The following DENND1A variants were observed in gnomAD, a reference collection of about 807,000 sequenced individuals.
DENND1A encodes DENN domain-containing protein 1A.
Under a neutral mutation model 113.7 loss-of-function variants are expected in DENND1A, and 51 were observed. The ratio of observed to expected loss-of-function variants is 0.45; its 90% CI spans 0.36 to 0.57. The LOEUF is 0.57. DENND1A is among the 20% of genes least tolerant of loss of function. DENND1A has a pLI of 0.00. For synonymous variants in DENND1A, 565 were observed against 570.8 expected (o/e 0.99, Z 0.14); for missense variants, 1,258 against 1,395.9 (o/e 0.90, Z 1.57).
At position 123,702,665 on chromosome 9, in the gene DENND1A, T is replaced by C. The variant is rs561744333; in HGVS notation, c.303-25876A>G. Among the ~76,000 whole-genome samples, 202 of 152,268 alleles carry C rather than the reference T, an allele frequency of 1.3e-3. 6 individuals carry two copies. The South Asian group carries it at 0.04, about 30-fold the overall frequency. On this transcript the variant is annotated intron_variant, in intron 5 of 23. Coordinates refer to ENST00000394215, the MANE Select transcript of DENND1A (RefSeq NM_001352964.2). ...AAAGACTGCGATGATATATTTATAG[T>C]GCTGAAGGAAAAATACTGTCAACCA...
intron 20 of DENND1A, among the ~76,000 whole-genome samples, chr9:123,410,430 G>A (rs968152914): frequency 1.3e-5 from 2 of 152,180 alleles, no homozygotes; most frequent in African/African-American, 2.4e-5. Flanking sequence ...CAGCTGTGTC[G>A]ATGGGGGGTT....
chr9:123,529,474 C>T (rs2055119892), intron 13 of DENND1A, among the ~76,000 whole-genome samples: 1 of 152,028 alleles, frequency 6.6e-6, no homozygotes, highest in South Asian at 2.1e-4. Context: ...AGTTTAACAA[C>T]ATCTGCCCAA....
chr9:123,545,714 A>G lies in DENND1A; in HGVS notation c.993+11856T>C, dbSNP rs541236758. 4.6e-5 allele frequency among the ~76,000 whole-genome samples: 7 copies of G among 152,066 alleles called. No individual in the cohort carries two copies. The South Asian group carries it at 1.5e-3, about 32-fold the overall frequency. On this transcript the variant is annotated intron_variant, in intron 13 of 23. Coordinates refer to ENST00000394215, the MANE Select transcript of DENND1A (RefSeq NM_001352964.2). ...GATCTCCTGACCTCATGATCCGCCC[A>G]CCTCAGCCTCCCAAAGTGCTGGGAT... is the stretch of plus-strand genomic sequence containing the variant.
At position 123,855,077 on chromosome 9, in the gene DENND1A, T is replaced by C. The variant is rs1009537985; in HGVS notation, c.88+23874A>G. Among the ~76,000 whole-genome samples the C allele has an allele frequency of 1.3e-4, 20 of 151,362 alleles. 1 individual carries two copies. The highest frequency in any genetic ancestry group is 4.9e-4 in the African/African-American group (20 of 40,628). On this transcript the variant is annotated intron_variant, in intron 2 of 23. Transcript: ENST00000394215. ...GTCCAGTTCTATGTAAATGGAGCTA[T>C]TTCAAAAGCCTCACAAACAACTGAT...
chr9:123,846,434 A>G (rs915998369), intron 2 of DENND1A, among the ~76,000 whole-genome samples: 1 of 152,246 alleles, frequency 6.6e-6, no homozygotes, highest in Admixed American at 6.5e-5. Context: ...ATTGCTGAAA[A>G]GTGGAGATAA....
intron 1 of DENND1A, among the ~76,000 whole-genome samples, chr9:123,881,177 T>TA (rs1848262241): frequency 6.6e-6 from 1 of 152,120 alleles, no homozygotes; most frequent in South Asian, 2.1e-4. Flanking sequence ...GTATCTTACT[T>TA]AAAAAAATTA....
chr9:123,912,746 G>A (rs1237680332), intron 1 of DENND1A, among the ~76,000 whole-genome samples: 2 of 152,160 alleles, frequency 1.3e-5, no homozygotes, highest in African/African-American at 4.8e-5. Flanking sequence ...GCCTCTGGCA[G>A]TAACGAGGTT....
intron 3 of DENND1A, among the ~76,000 whole-genome samples, 163 bp from the exon 4 acceptor site, chr9:123,769,726 G>A (rs1331087193): frequency 6.6e-6 from 1 of 152,158 alleles, no homozygotes; most frequent in East Asian, 1.9e-4. Context: ...AGTCAATCAT[G>A]AGAAATAATA....
At chr9:123,423,145 G>A (rs951755453) in intron 19 of DENND1A, among the ~76,000 whole-genome samples, 10 of 152,190 alleles carry the variant, frequency 6.6e-5, no homozygotes, top group Admixed American at 2.0e-4. Flanking sequence ...CCGGATGCCC[G>A]GTGGGGTTCA....
At chr9:123,852,319 G>A (rs537823723) in intron 2 of DENND1A, among the ~76,000 whole-genome samples, 1 of 152,110 alleles carries the variant, frequency 6.6e-6, no homozygotes, top group Non-Finnish European at 1.5e-5. Flanking sequence ...TGGCACTTTT[G>A]GGGACCTTGG....
intron 5 of DENND1A, 126 bp from the exon 6 acceptor site, chr9:123,676,915 T>G: frequency 1.1e-6 from 1 of 870,482 alleles, no homozygotes; most frequent in Non-Finnish European, 1.9e-6. Flanking sequence ...TGTCACAGAC[T>G]GGTGGAAACA....
intron 2 of DENND1A, among the ~76,000 whole-genome samples, chr9:123,852,948 C>G (rs746695188): frequency 2.6e-5 from 4 of 151,184 alleles, no homozygotes; most frequent in African/African-American, 7.3e-5. Flanking sequence ...AGATGGAATC[C>G]TGCTCTGTCA....
At chr9:123,630,204 C>CTTTTT (rs11324537) in intron 10 of DENND1A, among the ~76,000 whole-genome samples, 172 bp downstream of exon 10, 76 of 94,092 alleles carry the variant, frequency 8.1e-4, no homozygotes, top group Middle Eastern at 6.3e-3. Flanking sequence ...CCATGACTGG[C>CTTTTT]TTTTTTTTTT....
At chr9:123,470,513 T>C (rs1310910016) in intron 13 of DENND1A, among the ~76,000 whole-genome samples, 1 of 152,120 alleles carries the variant, frequency 6.6e-6, no homozygotes. Flanking sequence ...GGAAGTGCAC[T>C]GGAGAGAGGA....
At position 123,445,880 on chromosome 9, in the gene DENND1A, C is replaced by A. The variant is rs1588567529; in HGVS notation, c.1356+4813G>T. 4.6e-5 allele frequency among the ~76,000 whole-genome samples: 7 copies of A among 152,262 alleles called. 1 individual carries two copies. The highest frequency in any genetic ancestry group is 3.9e-4 in the Admixed American group (6 of 15,292). On this transcript the variant is annotated intron_variant, in intron 18 of 23. Coordinates refer to ENST00000394215, the MANE Select transcript of DENND1A (RefSeq NM_001352964.2). ...AGACGCCATCTCAAAAACAAACAAACAAAAGACAGACAAAAGGGAAACTCT... is the reference window on the plus strand; with the variant it reads ...AGACGCCATCTCAAAAACAAACAAAAAAAAGACAGACAAAAGGGAAACTCT...
At chr9:123,783,799 A>T (rs1452406602) in intron 3 of DENND1A, among the ~76,000 whole-genome samples, 1 of 152,192 alleles carries the variant, frequency 6.6e-6, no homozygotes, top group Non-Finnish European at 1.5e-5. Context: ...TTGTTCACTG[A>T]GCCCCCAATC....
At chr9:123,703,796 GC>G (rs567453147) in intron 5 of DENND1A, among the ~76,000 whole-genome samples, 57 of 152,226 alleles carry the variant, frequency 3.7e-4, no homozygotes, top group African/African-American at 1.2e-3. Context: ...ATTTGTGCTT[GC>G]CTAGGGCCAG....
At chr9:123,683,539 ATTTATACTTT>A (rs968226333) in intron 5 of DENND1A, among the ~76,000 whole-genome samples, 12 of 152,086 alleles carry the variant, frequency 7.9e-5, no homozygotes, top group Non-Finnish European at 1.8e-4. Flanking sequence ...GTTGAGGTAA[ATTTATACTTT>A]TTTATACTTT....
At chr9:123,884,007 C>T (rs1848670296) in intron 1 of DENND1A, among the ~76,000 whole-genome samples, 1 of 152,034 alleles carries the variant, frequency 6.6e-6, no homozygotes, top group Non-Finnish European at 1.5e-5. Flanking sequence ...AGTTATGTAA[C>T]ATACCAACAA....
Sources: gnomAD v4.1 joint callset for allele counts (sites outside exome capture counted in the v4.1 genomes callset) on GRCh38, gnomAD v4.1.1 for gene constraint, MANE v1.5 for transcripts, NCBI Gene and HGNC (gene_info 2026-07-23, HGNC 2026-07-21) for gene names.